Variants in PRDM2 observed in about 807,000 individuals in gnomAD.
PRDM2 encodes the protein PR/SET domain 2.
In PRDM2, 30 loss-of-function variants were observed where a neutral mutation model predicts 130.0. The ratio of observed to expected loss-of-function variants is 0.23; its 90% CI spans 0.17 to 0.31. PRDM2 has a LOEUF of 0.31. Ranked by LOEUF, PRDM2 falls within the 10% of genes least tolerant of loss-of-function variation. The probability of loss-of-function intolerance (pLI) is 1.00; values close to 1 mark genes in which losing one functional copy is unlikely to be tolerated. For missense variants in PRDM2, 2,011 were observed against 2,108.4 expected, an observed-to-expected ratio of 0.95 and a Z score of 0.90; for synonymous variants, 871 against 782.4, an observed-to-expected ratio of 1.11 and a Z score of -1.89.
intron 7 of PRDM2, 44 bp downstream of exon 7, chr1:13,773,232 AC>A: frequency 8.6e-7 from 1 of 1,160,862 alleles, no homozygotes; most frequent in Non-Finnish European, 1.2e-6. Context: ...GTGTGTATGT[AC>A]CCAGTGAATT....
chr1:13,776,361 G>T (rs1644475382), intron 7 of PRDM2, among the ~76,000 whole-genome samples: 4 of 152,114 alleles, frequency 2.6e-5, no homozygotes, highest in Admixed American at 1.3e-4. Context: ...AACTCTCCTA[G>T]TGCCTGCAGT....
intron 6 of PRDM2, among the ~76,000 whole-genome samples, chr1:13,761,218 G>A (rs896836960): frequency 1.3e-5 from 2 of 152,238 alleles, no homozygotes; most frequent in African/African-American, 4.8e-5. Flanking sequence ...AAGCACTCAT[G>A]ACAGTTATAA....
chr1:13,700,426 T>TC (rs1642033773), intron 1 of PRDM2, 126 bp downstream of exon 1: 1 of 149,292 alleles, frequency 6.7e-6, no homozygotes, highest in African/African-American at 2.5e-5. Context: ...GATGGCCGGG[T>TC]CGGCGGACGC....
At chr1:13,730,948 T>A in intron 2 of PRDM2, 52 bp from the exon 3 acceptor site, 2 of 1,229,630 alleles carry the variant, frequency 1.6e-6, no homozygotes, top group Non-Finnish European at 2.2e-6. Flanking sequence ...AAAAAACCCA[T>A]GATTTGAGTT....
chr1:13,816,620 G>C, intron 9 of PRDM2, 50 bp downstream of exon 9: 1 of 1,600,436 alleles, frequency 6.2e-7, no homozygotes, highest in Non-Finnish European at 8.5e-7. Context: ...TGGGTCAAGG[G>C]GGTGTGGGCT....
intron 6 of PRDM2, among the ~76,000 whole-genome samples, chr1:13,763,041 G>C (rs909216284): frequency 2.0e-5 from 3 of 152,188 alleles, no homozygotes; most frequent in Admixed American, 2.0e-4. Flanking sequence ...AAATGCTCTT[G>C]TTTTTATAAA....
At chr1:13,756,686 A>G (rs1299862182) in intron 6 of PRDM2, among the ~76,000 whole-genome samples, 2 of 152,150 alleles carry the variant, frequency 1.3e-5, no homozygotes, top group African/African-American at 2.4e-5. Flanking sequence ...ATTTATTACA[A>G]TGTATTTTGA....
chr1:13,795,896 G>A (rs1644915441), intron 8 of PRDM2, among the ~76,000 whole-genome samples: 1 of 152,142 alleles, frequency 6.6e-6, no homozygotes, highest in Admixed American at 6.5e-5. Context: ...TTTGTGTAGG[G>A]GGAGCAGTTG....
intron 6 of PRDM2, among the ~76,000 whole-genome samples, chr1:13,750,006 C>G (rs1022003735): frequency 1.3e-5 from 2 of 152,194 alleles, no homozygotes; most frequent in African/African-American, 2.4e-5. Flanking sequence ...GAGACAGAGA[C>G]AGGAGGCGGC....
At position 13,780,872 on chromosome 1, in the gene PRDM2, C is replaced by T; in HGVS notation, c.3077C>T (p.Thr1026Ile). The change falls in exon 8 of 10, where the codon ACA becomes ATA. Residue 1026 changes from threonine (T) to isoleucine (I), a missense_variant. Thr to Ile is a moderately conservative substitution (Grantham distance 89). Coordinates refer to ENST00000311066, the MANE Select transcript of PRDM2 (RefSeq NM_001393986.1). ...AQSPLPILSP[T>I]VSPSPSPIPP... ...TCCCCACTTCCAATTCTGTCCCCAA[C>T]AGTGTCCCCCTCTCCCTCTCCCATT... The T allele has an allele frequency of 6.2e-7, 1 of 1,612,646 alleles. No homozygotes were observed. The highest frequency in any genetic ancestry group is 8.5e-7 in the Non-Finnish European group (1 of 1,178,996).
At chr1:13,730,318 T>C (rs1462284061) in intron 2 of PRDM2, among the ~76,000 whole-genome samples, 1 of 152,246 alleles carries the variant, frequency 6.6e-6, no homozygotes, top group Non-Finnish European at 1.5e-5. Flanking sequence ...TTATGATGAA[T>C]TCCAGCCTAA....
At chr1:13,816,082 A>G (rs1407177569) in intron 8 of PRDM2, among the ~76,000 whole-genome samples, 2 of 152,146 alleles carry the variant, frequency 1.3e-5, no homozygotes, top group Non-Finnish European at 2.9e-5. Flanking sequence ...TTCTGATGCA[A>G]TCGGAGTCAT....
intron 2 of PRDM2, chr1:13,722,960 A>G: frequency 2.3e-6 from 1 of 429,362 alleles, no homozygotes; most frequent in Admixed American, 2.6e-5. Flanking sequence ...CTCCTGCCCA[A>G]ACCCTCTTGT....
chr1:13,809,189 C>A (rs956543539), intron 8 of PRDM2, among the ~76,000 whole-genome samples: 1 of 152,184 alleles, frequency 6.6e-6, no homozygotes, highest in African/African-American at 2.4e-5. Context: ...GGACTGCGTC[C>A]TGGGAGCCAT....
intron 6 of PRDM2, among the ~76,000 whole-genome samples, chr1:13,759,195 C>T (rs1644037394): frequency 1.4e-5 from 2 of 148,018 alleles, no homozygotes; most frequent in Admixed American, 6.7e-5. Context: ...AAAACTACAG[C>T]GATAAACAAT....
rs556332524 is a variant in PRDM2 at position 13,815,766 on chromosome 1, C to A, written c.5037-661C>A. 2.6e-5 allele frequency among the ~76,000 whole-genome samples: 4 copies of A among 152,278 alleles called. No individual in the cohort carries two copies. In the East Asian group the frequency reaches 7.7e-4, roughly 29 times the overall value. ...TTACTGGGGGCGGTGGTTGGGGGTG[C>A]TTTTCTGTACAAATAGTACAAAACC... On this transcript the variant is annotated intron_variant, in intron 8 of 9. Transcript: ENST00000311066.
At chr1:13,787,676 C>T (rs1196853439) in intron 8 of PRDM2, 1 of 981,192 alleles carries the variant, frequency 1.0e-6, no homozygotes, top group African/African-American at 1.8e-5. Flanking sequence ...GTTTTGGACG[C>T]TTCAATTGTA....
In PRDM2 at chr1:13,780,971, C is replaced by A; in HGVS notation, c.3176C>A (p.Ser1059Tyr). ...CTTTCTTCTTCCTCCTCTTCATCTT[C>A]CTCCTCCTCTTCGTTTTCTTCTTCA... ...PTLSSSSSSS[S>Y]SSSSFSSSSS... is the part of the protein sequence containing the mutation. Residue 1059 changes from serine to tyrosine, a missense_variant, in exon 8 of 10, where the codon TCC (serine) becomes TAC (tyrosine). Coordinates refer to ENST00000311066, the MANE Select transcript of PRDM2 (RefSeq NM_001393986.1). 1.9e-6 allele frequency: 3 copies of A among 1,602,926 alleles called. No individual in the cohort carries two copies. The highest frequency in any genetic ancestry group is 2.6e-6 in the Non-Finnish European group (3 of 1,170,120).
chr1:13,726,440 T>A (rs1642918135), intron 2 of PRDM2, among the ~76,000 whole-genome samples: 1 of 152,166 alleles, frequency 6.6e-6, no homozygotes, highest in South Asian at 2.1e-4. Flanking sequence ...ACAGAGAAGT[T>A]CTTCCTCTAG....
Sources: allele counts gnomAD v4.1 joint callset (sites outside exome capture counted in the v4.1 genomes callset), GRCh38; gene constraint gnomAD v4.1.1; transcripts MANE v1.5; gene names NCBI Gene and HGNC (gene_info 2026-07-23, HGNC 2026-07-21).